PLA1A: variants seen among roughly 807,000 people sequenced by gnomAD.
PLA1A encodes phosphatidylserine-specific phospholipase A1alpha.
A neutral mutation model predicts 49.4 loss-of-function variants in PLA1A; 47 were observed. That is an observed-to-expected ratio of 0.95 (90% confidence interval 0.75 to 1.21). The LOEUF is 1.21. Among genes scored for constraint, PLA1A ranks in the 50% most tolerant of loss-of-function variants. The pLI is 0.00. For synonymous variants in PLA1A, 224 were observed against 207.9 expected (o/e 1.08, Z -0.67); for missense variants, 561 against 563.9 (o/e 0.99, Z 0.05).
intron 5 of PLA1A, among the ~76,000 whole-genome samples, chr3:119,614,697 G>T (rs2082821194): frequency 6.6e-6 from 1 of 151,646 alleles, no homozygotes. Context: ...CCTAAGCAAG[G>T]CCTCTCAGGC....
chr3:119,600,145 G>T (rs971213296), intron 1 of PLA1A: 7 of 512,638 alleles, frequency 1.4e-5, no homozygotes, highest in Admixed American at 3.2e-5. Flanking sequence ...GAGGGAGGAG[G>T]TTCAGGAGGT....
At chr3:119,604,883 A>AATGTATATT (rs1447645967) in intron 1 of PLA1A, among the ~76,000 whole-genome samples, 1 of 152,154 alleles carries the variant, frequency 6.6e-6, no homozygotes. Flanking sequence ...TACATGTCCA[A>AATGTATATT]ATGTATATTA....
At chr3:119,620,296 T>A in intron 8 of PLA1A, 1 of 391,236 alleles carries the variant, frequency 2.6e-6, no homozygotes, top group South Asian at 1.9e-5. Flanking sequence ...GTTTGCTTTA[T>A]CATGTGTACA....
In PLA1A at chr3:119,623,971, C is replaced by T. The variant is rs148704421; in HGVS notation, c.1013-1153C>T. 8.3e-3 allele frequency among the ~76,000 whole-genome samples: 1,263 copies of T among 152,106 alleles called. 18 individuals are homozygous for T. The highest frequency in any genetic ancestry group is 0.029 in the African/African-American group (1,186 of 41,480). The stretch of plus-strand genomic sequence containing the variant: ...AACTCCTGACCTCAGGTGATCCACC[C>T]GCCTTGGCCTCCCAAAGTGCTGCGA... On this transcript the variant is annotated intron_variant, in intron 8 of 10. Coordinates refer to ENST00000273371, the MANE Select transcript of PLA1A (RefSeq NM_015900.4).
chr3:119,618,065 C>T lies in PLA1A; in HGVS notation c.801C>T (p.Tyr267=). 1 of 1,614,020 alleles carries T rather than the reference C, an allele frequency of 6.2e-7. No individual in the cohort carries two copies. The highest frequency in any genetic ancestry group is 8.5e-7 in the Non-Finnish European group (1 of 1,179,844). ...ATCACATGAGGGCTGTGCACCTCTA[C>T]ATCAGCGCCCTGGAGAATTCCTGTC... ...ICDHMRAVHL[Y]ISALENSCPL... is the part of the protein sequence containing the mutation. Residue 267 remains tyrosine, a synonymous_variant, in exon 7 of 11, where the codon TAC becomes TAT. Transcript: ENST00000273371.
intron 9 of PLA1A, 64 bp downstream of exon 9, chr3:119,625,296 C>T (rs1460589945): frequency 4.8e-6 from 5 of 1,034,588 alleles, no homozygotes; most frequent in Middle Eastern, 2.0e-4. Flanking sequence ...TCATTTTACA[C>T]ACATGGACAT....
chr3:119,615,268 C>T (rs2082829208), intron 5 of PLA1A, among the ~76,000 whole-genome samples: 1 of 152,182 alleles, frequency 6.6e-6, no homozygotes, highest in Non-Finnish European at 1.5e-5. Context: ...AGAAAGAGGG[C>T]AGAGGATGCT....
Position 119,625,135 on chromosome 3 carries a change from C to T in PLA1A, c.1024C>T (p.Leu342Phe). ...CTTTGGTTTCCTAGTGCATCACAGC[C>T]TCGTGGAGTTTCACTTGAAGGAACT... is the stretch of plus-strand genomic sequence containing the variant. ...SSAPYCMHHS[L>F]VEFHLKELRN... The change falls in exon 9 of 11, where the codon CTC becomes TTC. Residue 342 changes from leucine to phenylalanine, a missense_variant. Leu to Phe is a conservative substitution (Grantham distance 22). Transcript: ENST00000273371. 6.2e-7 allele frequency: 1 copy of T among 1,612,358 alleles called. No homozygotes were observed. Among genetic ancestry groups the T allele is most frequent in the Non-Finnish European group, 8.5e-7 (1 of 1,178,412 alleles).
intron 1 of PLA1A, among the ~76,000 whole-genome samples, chr3:119,604,059 C>A (rs184914997): frequency 6.6e-6 from 1 of 152,160 alleles, no homozygotes; most frequent in Non-Finnish European, 1.5e-5. Context: ...GTTTTATTGT[C>A]GTTTAGTTTT....
chr3:119,615,836 AAAAAGAAAAGAAAAG>A (rs60240853), intron 5 of PLA1A, among the ~76,000 whole-genome samples, 161 bp from the exon 6 acceptor site: 5 of 150,978 alleles, frequency 3.3e-5, no homozygotes, highest in Admixed American at 3.3e-4. Context: ...AAAAAAAAAG[AAAAAGAAAAGAAAAG>A]AAAAGAAAAG....
At chr3:119,598,043 C>A (rs1379152900) in intron 1 of PLA1A, 57 bp downstream of exon 1, 4 of 1,114,402 alleles carry the variant, frequency 3.6e-6, no homozygotes, top group African/African-American at 3.1e-5. Flanking sequence ...TCATATTTCT[C>A]CAACTACTTA....
At chr3:119,602,804 G>A (rs2082634768) in intron 1 of PLA1A, among the ~76,000 whole-genome samples, 1 of 152,164 alleles carries the variant, frequency 6.6e-6, no homozygotes, top group Admixed American at 6.5e-5. Flanking sequence ...GGATGATTGA[G>A]AGAAATGAAG....
chr3:119,606,299 T>C (rs1421553541), intron 1 of PLA1A, among the ~76,000 whole-genome samples: 3 of 152,232 alleles, frequency 2.0e-5, no homozygotes, highest in African/African-American at 7.2e-5. Flanking sequence ...TCTCCCTATG[T>C]CTTTACAACA....
chr3:119,621,845 G>A (rs373717715), intron 8 of PLA1A, among the ~76,000 whole-genome samples: 10 of 152,288 alleles, frequency 6.6e-5, no homozygotes, highest in African/African-American at 2.4e-4. Context: ...CATGAGACAT[G>A]TTCCTGTGCA....
At chr3:119,616,146 G>T in intron 6 of PLA1A, 45 bp downstream of exon 6, 2 of 1,186,980 alleles carry the variant, frequency 1.7e-6, no homozygotes, top group Non-Finnish European at 2.5e-6. Context: ...CCCGGAGATT[G>T]AAATTCACCA....
At chr3:119,600,218 G>A (rs2082599129) in intron 1 of PLA1A, 2 of 583,124 alleles carry the variant, frequency 3.4e-6, no homozygotes, top group African/African-American at 1.9e-5. Flanking sequence ...TGGAAGTTCA[G>A]CCTCCACTCA....
At chr3:119,629,330 G>A in intron 10 of PLA1A, 54 bp from the exon 11 acceptor site, 1 of 1,008,568 alleles carries the variant, frequency 9.9e-7, no homozygotes, top group African/African-American at 1.6e-5. Context: ...GCCACACAAT[G>A]CCAAGCCCTG....
In PLA1A at chr3:119,606,408, A is replaced by AC. The variant is rs538879151; in HGVS notation, c.74-362dup. On this transcript the variant is annotated intron_variant, in intron 1 of 10. Transcript: ENST00000273371. ...TGGCCTCTTTTTAACCTTTGTGAAGACCCCATCTCCAAATACAGTCACATT... is the reference window on the plus strand; with the variant it reads ...TGGCCTCTTTTTAACCTTTGTGAAGACCCCCATCTCCAAATACAGTCACATT... 3.0e-4 allele frequency among the ~76,000 whole-genome samples: 46 copies of AC among 152,232 alleles called. No individual in the cohort carries two copies. The South Asian group carries it at 8.9e-3, about 29-fold the overall frequency.
chr3:119,618,990 A>C (rs1470923270), intron 7 of PLA1A, among the ~76,000 whole-genome samples: 1 of 152,224 alleles, frequency 6.6e-6, no homozygotes, highest in Non-Finnish European at 1.5e-5. Flanking sequence ...AGTTTCCCCT[A>C]GATGCCATGG....
Sources: gnomAD v4.1 joint callset for allele counts (sites outside exome capture counted in the v4.1 genomes callset) on GRCh38, gnomAD v4.1.1 for gene constraint, MANE v1.5 for transcripts, NCBI Gene and HGNC (gene_info 2026-07-23, HGNC 2026-07-21) for gene names.